The following BDKRB1 variants were observed in gnomAD, a reference collection of about 807,000 sequenced individuals.
The protein encoded by BDKRB1 is B1 bradykinin receptor.
For synonymous variants in BDKRB1, 192 were observed against 189.1 expected (o/e 1.02, Z -0.13); for missense variants, 414 against 441.4 (o/e 0.94, Z 0.56).
At chr14:96,258,912 CA>C (rs749637177) in intron 1 of BDKRB1, among the ~76,000 whole-genome samples, 2,303 of 137,072 alleles carry the variant, frequency 0.017, 30 homozygotes, top group African/African-American at 0.042. Context: ...TCAGATACTG[CA>C]AAAAAAAAAA....
intron 1 of BDKRB1, among the ~76,000 whole-genome samples, chr14:96,259,212 T>C (rs1216622389): frequency 6.6e-6 from 1 of 152,192 alleles, no homozygotes; most frequent in African/African-American, 2.4e-5. Context: ...TGGAACAAAA[T>C]TCAACGAAAA....
In BDKRB1 at chr14:96,264,707, A is replaced by C; in HGVS notation, c.1025A>C (p.His342Pro). Residue 342 changes from histidine to proline, a missense_variant, in exon 3 of 3, where the codon CAT becomes CCT. Physicochemically the swap from His to Pro is moderately conservative, Grantham distance 77. Transcript: ENST00000216629. ...AGTCTTGCTCCAATATCTTCATCCC[A>C]TAGGAAAGAAATCTTCCAACTTTTC... ...PKSLAPISSS[H>P]RKEIFQLFWR... The C allele has an allele frequency of 1.2e-6, 2 of 1,610,772 alleles. No homozygotes were observed. Among genetic ancestry groups the C allele is most frequent in the Non-Finnish European group, 1.7e-6 (2 of 1,179,000 alleles).
At position 96,263,819 on chromosome 14, in the gene BDKRB1, C is replaced by G. The variant is rs755158731; in HGVS notation, c.137C>G (p.Ser46Cys). The change falls in exon 3 of 3, where the codon TCC becomes TGC. Residue 46 changes from serine to cysteine, a missense_variant. By Grantham distance (112) the Ser-to-Cys change is moderately radical. Coordinates refer to ENST00000216629, the MANE Select transcript of BDKRB1 (RefSeq NM_000710.4). ...LHRVLPTFIISICFFGLLGNL... is the reference protein window; with the variant it reads ...LHRVLPTFIICICFFGLLGNL... The stretch of plus-strand genomic sequence containing the variant: ...AGAGTGCTGCCAACATTTATCATCT[C>G]CATCTGTTTCTTCGGCCTCCTAGGG... The G allele has an allele frequency of 1.9e-6, 3 of 1,614,182 alleles. No individual in the cohort carries two copies. The African/African-American group carries it at 4.0e-5, about 22-fold the overall frequency.
chr14:96,263,641 TC>T, intron 2 of BDKRB1, 31 bp from the exon 3 acceptor site: 1 of 1,559,948 alleles, frequency 6.4e-7, no homozygotes, highest in Non-Finnish European at 8.6e-7. Context: ...GTCTGCCACT[TC>T]CTGTTTTATT....
At chr14:96,257,854 AGAAGGAAG>A (rs1442129947) in intron 1 of BDKRB1, among the ~76,000 whole-genome samples, 2 of 150,740 alleles carry the variant, frequency 1.3e-5, no homozygotes, top group African/African-American at 2.4e-5. Context: ...GAGAGAGGAA[AGAAGGAAG>A]GAAGGAAAGA....
chr14:96,256,671 C>A (rs1885625001), intron 1 of BDKRB1, among the ~76,000 whole-genome samples: 1 of 152,172 alleles, frequency 6.6e-6, no homozygotes, highest in Admixed American at 6.5e-5. Context: ...TTAAATTAGT[C>A]TCTCTGGGAT....
At chr14:96,261,858 C>T (rs1207101910) in intron 1 of BDKRB1, among the ~76,000 whole-genome samples, 5 of 152,202 alleles carry the variant, frequency 3.3e-5, no homozygotes, top group African/African-American at 9.7e-5. Flanking sequence ...TGGCTGTGGC[C>T]GGTTTTGCCA....
chr14:96,259,580 C>T (rs1176669997), intron 1 of BDKRB1: 1 of 152,580 alleles, frequency 6.6e-6, no homozygotes, highest in Non-Finnish European at 1.5e-5. Context: ...CGCTGGACTC[C>T]ACCACAATTT....
intron 1 of BDKRB1, among the ~76,000 whole-genome samples, chr14:96,258,647 T>C (rs913245533): frequency 2.0e-5 from 3 of 152,058 alleles, no homozygotes; most frequent in Admixed American, 6.6e-5. Flanking sequence ...CAGCCTCCTG[T>C]GTAGCTGGGA....
At position 96,264,396 on chromosome 14, in the gene BDKRB1, A is replaced by G; in HGVS notation, c.714A>G (p.Thr238=). 7 of 1,614,196 alleles carry G rather than the reference A, an allele frequency of 4.3e-6. No homozygotes were observed. The highest frequency in any genetic ancestry group is 5.9e-6 in the Non-Finnish European group (7 of 1,180,034). Residue 238 remains threonine (T), a synonymous_variant, in exon 3 of 3, where the codon ACA becomes ACG. Coordinates refer to ENST00000216629, the MANE Select transcript of BDKRB1 (RefSeq NM_000710.4). ...SLRTREEVSR[T]RCGGRKDSKT... ...GAACGCGGGAGGAGGTCAGCAGGAC[A>G]AGGTGCGGGGGCCGCAAGGATAGCA...
chr14:96,257,239 G>T (rs1044032762), intron 1 of BDKRB1, among the ~76,000 whole-genome samples: 2 of 152,200 alleles, frequency 1.3e-5, no homozygotes, highest in African/African-American at 4.8e-5. Context: ...GACCTAATCA[G>T]GTTCGAGCTA....
At chr14:96,257,273 T>A (rs1254859348) in intron 1 of BDKRB1, among the ~76,000 whole-genome samples, 6 of 152,232 alleles carry the variant, frequency 3.9e-5, no homozygotes, top group African/African-American at 7.2e-5. Flanking sequence ...GCTGGTCGTC[T>A]CTGGCTTCCT....
At chr14:96,263,574 C>T in intron 2 of BDKRB1, 99 bp from the exon 3 acceptor site, 1 of 1,309,604 alleles carries the variant, frequency 7.6e-7, no homozygotes, top group Non-Finnish European at 1.0e-6. Context: ...GGCTCTGTGC[C>T]AATAAAACTT....
intron 1 of BDKRB1, among the ~76,000 whole-genome samples, chr14:96,258,982 A>G (rs1402996520): frequency 6.6e-6 from 1 of 152,000 alleles, no homozygotes; most frequent in Non-Finnish European, 1.5e-5. Context: ...TTATCCAATT[A>G]AAAAGATTCT....
At chr14:96,260,485 G>T (rs1045808636) in intron 1 of BDKRB1, among the ~76,000 whole-genome samples, 15 of 152,182 alleles carry the variant, frequency 9.9e-5, no homozygotes, top group Non-Finnish European at 2.1e-4. Flanking sequence ...CAACAGAAGT[G>T]CAGTACTTAA....
At chr14:96,261,476 G>C (rs987018452) in intron 1 of BDKRB1, among the ~76,000 whole-genome samples, 1 of 152,232 alleles carries the variant, frequency 6.6e-6, no homozygotes. Flanking sequence ...AGGGCCTCTT[G>C]AGGACATCAT....
chr14:96,259,437 A>G (rs931376279), intron 1 of BDKRB1: 1 of 152,234 alleles, frequency 6.6e-6, no homozygotes, highest in Non-Finnish European at 1.5e-5. Context: ...ACGTACGTCT[A>G]TAAATGTCAA....
chr14:96,262,715 C>A lies in BDKRB1; in HGVS notation c.-66C>A. The A allele has an allele frequency of 2.2e-6, 1 of 446,784 alleles. No homozygotes were observed. Among genetic ancestry groups the A allele is most frequent in the Non-Finnish European group, 4.4e-6 (1 of 224,880 alleles). The allele number at this position is 446,784 out of a possible 1,614,324, so 27.7% of individuals were successfully genotyped here. On this transcript the variant is annotated 5_prime_UTR_variant, in exon 2 of 3. Coordinates refer to ENST00000216629, the MANE Select transcript of BDKRB1 (RefSeq NM_000710.4). ...CAATCATAGCTCGCTGCAGCCTCGA[C>A]CTTCCAGGCTTAAACGATTCTCCCA... is the stretch of plus-strand genomic sequence containing the variant.
chr14:96,264,303 T>A lies in BDKRB1; in HGVS notation c.621T>A (p.Asn207Lys). 1 of 1,614,192 alleles carries A rather than the reference T, an allele frequency of 6.2e-7. No individual in the cohort carries two copies. The highest frequency in any genetic ancestry group is 1.1e-5 in the South Asian group (1 of 91,086). The change falls in exon 3 of 3, where the codon AAT becomes AAA. Residue 207 changes from asparagine (N) to lysine (K), a missense_variant. Physicochemically the swap from Asn to Lys is moderately conservative, Grantham distance 94. Transcript: ENST00000216629. ...AWHFARIVEL[N>K]ILGFLLPLAA... Reference sequence around the variant, plus strand: ...ACTTTGCAAGGATTGTGGAGTTAAATATTCTGGGTTTCCTCCTACCACTGG... The same window carrying A: ...ACTTTGCAAGGATTGTGGAGTTAAAAATTCTGGGTTTCCTCCTACCACTGG...
Sources: gnomAD v4.1 joint callset for allele counts (sites outside exome capture counted in the v4.1 genomes callset) on GRCh38, gnomAD v4.1.1 for gene constraint, MANE v1.5 for transcripts, NCBI Gene and HGNC (gene_info 2026-07-23, HGNC 2026-07-21) for gene names.